ZNF253: variants seen among roughly 807,000 people sequenced by gnomAD.
The protein encoded by ZNF253 is DNA-binding protein.
In ZNF253, 8 loss-of-function variants were observed where a neutral mutation model predicts 11.9. That is an observed-to-expected ratio of 0.67 (90% CI 0.40 to 1.22). The LOEUF is 1.22. ZNF253 is among the 50% of genes most tolerant of loss of function. The pLI, the probability that ZNF253 is intolerant of heterozygous loss-of-function variation, is 0.01. For synonymous variants in ZNF253, 194 were observed against 194.9 expected (o/e 1.00, Z 0.04); for missense variants, 485 against 586.9 (o/e 0.83, Z 1.79).
intron 3 of ZNF253, among the ~76,000 whole-genome samples, chr19:19,891,235 A>G (rs1473736055): frequency 1.3e-5 from 2 of 152,128 alleles, no homozygotes; most frequent in African/African-American, 4.8e-5. Flanking sequence ...CTATGTGGCT[A>G]TTTGCATTCT....
chr19:19,886,791 T>A (rs10403255), intron 3 of ZNF253, among the ~76,000 whole-genome samples: 56,973 of 152,092 alleles, frequency 0.37, 13,025 homozygotes, highest in East Asian at 0.66. Flanking sequence ...TAAATTATGC[T>A]ACTCTCAAGT....
At chr19:19,872,585 A>ATTTTATATATATATATATTAT (rs59790297) in intron 1 of ZNF253, among the ~76,000 whole-genome samples, 2 of 90,478 alleles carry the variant, frequency 2.2e-5, no homozygotes, top group Admixed American at 1.0e-4. Context: ...ATATATTATT[A>ATTTTATATATATATATATTAT]TATATATATA....
intron 3 of ZNF253, among the ~76,000 whole-genome samples, chr19:19,888,131 T>C (rs1428601900): frequency 6.6e-6 from 1 of 151,438 alleles, no homozygotes; most frequent in Non-Finnish European, 1.5e-5. Context: ...TGGCACAATG[T>C]TGGCTCACTG....
At chr19:19,883,127 C>T (rs201201946) in intron 3 of ZNF253, among the ~76,000 whole-genome samples, 1 of 152,186 alleles carries the variant, frequency 6.6e-6, no homozygotes, top group African/African-American at 2.4e-5. Flanking sequence ...AGTGAGCAGT[C>T]ATTGAGATAG....
intron 3 of ZNF253, among the ~76,000 whole-genome samples, chr19:19,890,915 C>T (rs1246011021): frequency 7.1e-6 from 1 of 141,772 alleles, no homozygotes; most frequent in Non-Finnish European, 1.5e-5. Context: ...AATCTTGGCT[C>T]ACTGCAGTCT....
At chr19:19,876,322 C>G (rs1370085255) in intron 1 of ZNF253, among the ~76,000 whole-genome samples, 1 of 141,582 alleles carries the variant, frequency 7.1e-6, no homozygotes, top group African/African-American at 2.6e-5. Context: ...AGGCAGTGCT[C>G]TCATTCATGA....
intron 3 of ZNF253, among the ~76,000 whole-genome samples, chr19:19,885,674 A>G (rs140090895): frequency 2.1e-3 from 326 of 152,222 alleles, no homozygotes; most frequent in African/African-American, 7.6e-3. Flanking sequence ...TACAGGCATC[A>G]GCCACCGTGC....
chr19:19,866,365 T>C (rs562614546), intron 1 of ZNF253, among the ~76,000 whole-genome samples: 1 of 152,354 alleles, frequency 6.6e-6, no homozygotes, highest in South Asian at 2.1e-4. Flanking sequence ...AACAAGCGCT[T>C]GGTGCCGCAA....
Position 19,892,236 on chromosome 19 carries a change from A to G in ZNF253, c.989A>G (p.His330Arg), listed in dbSNP as rs769897101. Residue 330 changes from histidine to arginine, a missense_variant, in exon 4 of 4, where the codon CAT becomes CGT. Around this residue, in one of 3 missense-constraint regions of ZNF253, gnomAD observed 232 missense variants for 321.4 expected, o/e 0.72. Coordinates refer to ENST00000589717, the MANE Select transcript of ZNF253 (RefSeq NM_021047.3). ...AAGCACTGCTCTAACCTTACTATAC[A>G]TAAGAGAATTCATACAGGAGAGAAA... ...SFKHCSNLTI[H>R]KRIHTGEKPY... The G allele has an allele frequency of 8.7e-6, 14 of 1,613,864 alleles. No individual in the cohort carries two copies. The highest frequency in any genetic ancestry group is 1.7e-5 in the Admixed American group (1 of 59,968).
chr19:19,867,129 T>G (rs1191001391), intron 1 of ZNF253, among the ~76,000 whole-genome samples: 1 of 152,106 alleles, frequency 6.6e-6, no homozygotes, highest in Non-Finnish European at 1.5e-5. Flanking sequence ...TCACTTGAGG[T>G]CAGGAGTTGA....
chr19:19,878,736 GC>G, intron 2 of ZNF253, 129 bp downstream of exon 2: 1 of 952,218 alleles, frequency 1.1e-6, no homozygotes, highest in Non-Finnish European at 1.5e-6. Flanking sequence ...ACTGCGCCTG[GC>G]CATATTTTAT....
intron 3 of ZNF253, among the ~76,000 whole-genome samples, chr19:19,885,319 T>C (rs1373952970): frequency 1.3e-5 from 1 of 75,240 alleles, no homozygotes; most frequent in Non-Finnish European, 2.1e-5. Context: ...TCTTTCTTTC[T>C]TTCTTTCTTT....
intron 3 of ZNF253, among the ~76,000 whole-genome samples, chr19:19,885,223 CTTTCTTTCT>C (rs1369880296): frequency 4.6e-5 from 2 of 43,906 alleles, no homozygotes; most frequent in Non-Finnish European, 7.5e-5. Flanking sequence ...TGTATTCTTT[CTTTCTTTCT>C]TTCTTTCTTT....
At chr19:19,889,652 A>AT (rs111550505) in intron 3 of ZNF253, among the ~76,000 whole-genome samples, 32,596 of 149,114 alleles carry the variant, frequency 0.22, 4,024 homozygotes, top group East Asian at 0.58. Flanking sequence ...GTCCTACTTT[A>AT]TTTTTTTTTT....
chr19:19,892,394 CT>C lies in ZNF253; in HGVS notation c.1153del (p.Ser385HisfsTer55). Reference sequence around the variant, plus strand: ...CAAAGCTTTTAACCATTCCACAACCCTTTTTTCACATGAGAAAATTCATACT... The same window carrying C: ...CAAAGCTTTTAACCATTCCACAACCCTTTTTCACATGAGAAAATTCATACT... ...CGKAFNHSTT[L>X]FSHEKIHTGE... is the part of the protein sequence containing the mutation. On this transcript the variant is annotated frameshift_variant, in exon 4 of 4. Coordinates refer to ENST00000589717, the MANE Select transcript of ZNF253 (RefSeq NM_021047.3). LOFTEE classifies it low-confidence loss of function (END_TRUNC). The C allele has an allele frequency of 1.2e-6, 2 of 1,613,930 alleles. No individual in the cohort carries two copies. Among genetic ancestry groups the C allele is most frequent in the Non-Finnish European group, 1.7e-6 (2 of 1,179,972 alleles).
rs537513576 is a variant in ZNF253 at position 19,880,077 on chromosome 19, G to C, written c.157G>C (p.Val53Leu). The change falls in exon 3 of 4, where the codon GTT (valine) becomes CTT (leucine). Residue 53 changes from valine to leucine, a missense_variant. By Grantham distance (32) the Val-to-Leu change is conservative. Transcript: ENST00000589717. Reference sequence around the variant, plus strand: ...TATTGTTGTCTCTAAGCCAGACCTGGTTACCTGTCTGGAGCAAGGAAAAAA... The same window carrying C: ...TATTGTTGTCTCTAAGCCAGACCTGCTTACCTGTCTGGAGCAAGGAAAAAA... The part of the protein sequence containing the change: ...LGIVVSKPDL[V>L]TCLEQGKKPL... The C allele has an allele frequency of 1.9e-6, 3 of 1,607,036 alleles. No homozygotes were observed. Among genetic ancestry groups the C allele is most frequent in the Non-Finnish European group, 2.5e-6 (3 of 1,177,360 alleles).
intron 3 of ZNF253, among the ~76,000 whole-genome samples, chr19:19,884,278 C>T (rs1411552529): frequency 6.6e-6 from 1 of 152,060 alleles, no homozygotes; most frequent in African/African-American, 2.4e-5. Flanking sequence ...AGCCTTTTGA[C>T]TTTTGTGAAT....
chr19:19,892,564 A>G lies in ZNF253; in HGVS notation c.1317A>G (p.Leu439=), dbSNP rs2063237930. The G allele has an allele frequency of 2.5e-6, 4 of 1,610,678 alleles. No homozygotes were observed. Among genetic ancestry groups the G allele is most frequent in the Admixed American group, 3.4e-5 (2 of 59,586 alleles). The change falls in exon 4 of 4, where the codon CTA becomes CTG. Residue 439 remains leucine, a synonymous_variant. Transcript: ENST00000589717. ...CGKSFTASST[L]TTHKRIHTGE... ...AATCCTTTACTGCATCCTCAACTCTAACTACACATAAGAGAATTCATACTG... is the reference window on the plus strand; with the variant it reads ...AATCCTTTACTGCATCCTCAACTCTGACTACACATAAGAGAATTCATACTG...
At chr19:19,879,822 T>A (rs2063170018) in intron 2 of ZNF253, among the ~76,000 whole-genome samples, 1 of 152,162 alleles carries the variant, frequency 6.6e-6, no homozygotes. Context: ...TTGCCCCACC[T>A]GAAAATCTAA....
Sources: gnomAD v4.1 joint callset for allele counts (sites outside exome capture counted in the v4.1 genomes callset) on GRCh38, gnomAD v4.1.1 for gene constraint, gnomAD v4.1.1 regional missense constraint, MANE v1.5 for transcripts, NCBI Gene and HGNC (gene_info 2026-07-23, HGNC 2026-07-21) for gene names.